The following MEOX2 variants were observed in gnomAD, a reference collection of about 807,000 sequenced individuals.
MEOX2 encodes mesenchyme homeobox 2.
A neutral mutation model predicts 27.0 loss-of-function variants in MEOX2; 11 were observed. The ratio of observed to expected loss-of-function variants is 0.41; its 90% CI spans 0.26 to 0.68. The LOEUF (loss-of-function observed/expected upper bound fraction) is 0.68, where lower values mean the gene tolerates loss of function less well. MEOX2 is among the 30% of genes least tolerant of loss of function. The pLI is 0.33. For synonymous variants in MEOX2, 189 were observed against 155.4 expected (o/e 1.22, Z -1.61); for missense variants, 436 against 385.4 (o/e 1.13, Z -1.10).
intron 1 of MEOX2, among the ~76,000 whole-genome samples, chr7:15,656,820 C>T (rs1343480008): frequency 6.6e-6 from 1 of 151,748 alleles, no homozygotes; most frequent in African/African-American, 2.4e-5. Flanking sequence ...AGATTACTTC[C>T]TTTATCATTT....
chr7:15,642,440 T>C (rs531465759), intron 1 of MEOX2, among the ~76,000 whole-genome samples: 48 of 152,332 alleles, frequency 3.2e-4, no homozygotes, highest in Non-Finnish European at 5.9e-4. Flanking sequence ...GAATTTCCTT[T>C]AGTGCATTTT....
intron 1 of MEOX2, among the ~76,000 whole-genome samples, chr7:15,635,965 C>A (rs1781473409): frequency 1.3e-5 from 2 of 152,056 alleles, no homozygotes; most frequent in East Asian, 3.9e-4. Context: ...CCAAACCTGG[C>A]ATACCCAATA....
chr7:15,643,040 A>G (rs1781587226), intron 1 of MEOX2, among the ~76,000 whole-genome samples: 1 of 152,184 alleles, frequency 6.6e-6, no homozygotes, highest in African/African-American at 2.4e-5. Context: ...CAGTTCTGTC[A>G]ACAATTATAT....
chr7:15,612,662 T>A (rs1403882544), intron 2 of MEOX2, 51 bp from the exon 3 acceptor site: 3 of 1,536,578 alleles, frequency 2.0e-6, no homozygotes, highest in Non-Finnish European at 2.7e-6. Flanking sequence ...ATAATTAAAG[T>A]GACATTTTTT....
At chr7:15,684,177 T>C (rs1388555892) in intron 1 of MEOX2, among the ~76,000 whole-genome samples, 1 of 152,168 alleles carries the variant, frequency 6.6e-6, no homozygotes. Flanking sequence ...ATCTATCATG[T>C]AGGTTTCTCA....
At chr7:15,683,054 T>C (rs543171701) in intron 1 of MEOX2, among the ~76,000 whole-genome samples, 1 of 152,172 alleles carries the variant, frequency 6.6e-6, no homozygotes, top group African/African-American at 2.4e-5. Flanking sequence ...TGTGTGTCCA[T>C]GTGCATTTGT....
intron 2 of MEOX2, among the ~76,000 whole-genome samples, chr7:15,620,481 G>A (rs1298268716): frequency 1.3e-5 from 2 of 152,116 alleles, no homozygotes; most frequent in Non-Finnish European, 2.9e-5. Flanking sequence ...GCTGAGGCAG[G>A]AGAATGGCCT....
chr7:15,635,013 G>A (rs1444543338), intron 1 of MEOX2, among the ~76,000 whole-genome samples: 3 of 151,894 alleles, frequency 2.0e-5, no homozygotes, highest in African/African-American at 7.2e-5. Context: ...AAGCACATAA[G>A]CACTAATAAT....
chr7:15,656,694 T>G (rs1321280091), intron 1 of MEOX2, among the ~76,000 whole-genome samples: 1 of 151,976 alleles, frequency 6.6e-6, no homozygotes, highest in Non-Finnish European at 1.5e-5. Context: ...TCAGACAACA[T>G]TATAACTTTT....
At chr7:15,678,433 T>C (rs543969340) in intron 1 of MEOX2, among the ~76,000 whole-genome samples, 17 of 152,350 alleles carry the variant, frequency 1.1e-4, no homozygotes, top group Admixed American at 3.9e-4. Context: ...ATATTTATTT[T>C]TCTGAATAGT....
At chr7:15,660,597 G>C (rs1056107931) in intron 1 of MEOX2, among the ~76,000 whole-genome samples, 12 of 152,068 alleles carry the variant, frequency 7.9e-5, no homozygotes, top group African/African-American at 2.9e-4. Context: ...TTTGTCTCTA[G>C]AGATTACCAA....
intron 1 of MEOX2, among the ~76,000 whole-genome samples, chr7:15,659,347 G>C (rs1374547385): frequency 6.6e-6 from 1 of 151,990 alleles, no homozygotes; most frequent in East Asian, 1.9e-4. Context: ...AGGAATTAGT[G>C]GTAGTAAAAA....
chr7:15,663,157 T>C (rs1299582609), intron 1 of MEOX2, among the ~76,000 whole-genome samples: 1 of 152,172 alleles, frequency 6.6e-6, no homozygotes, highest in Non-Finnish European at 1.5e-5. Context: ...ATGACACTCT[T>C]TCACAGCCAC....
chr7:15,674,020 A>C (rs1179196737), intron 1 of MEOX2, among the ~76,000 whole-genome samples: 2 of 152,142 alleles, frequency 1.3e-5, no homozygotes, highest in Non-Finnish European at 2.9e-5. Flanking sequence ...TGATAGACAG[A>C]TAGATATAAT....
At chr7:15,661,111 T>C (rs1024434456) in intron 1 of MEOX2, among the ~76,000 whole-genome samples, 7 of 143,776 alleles carry the variant, frequency 4.9e-5, no homozygotes, top group African/African-American at 1.6e-4. Flanking sequence ...AGGTGAATAA[T>C]AGCATTTCTA....
chr7:15,678,400 C>T (rs1302994105), intron 1 of MEOX2, among the ~76,000 whole-genome samples: 1 of 152,182 alleles, frequency 6.6e-6, no homozygotes, highest in East Asian at 1.9e-4. Flanking sequence ...CCAAGCTAGT[C>T]CCCATTACGT....
chr7:15,684,686 A>G (rs1782349305), intron 1 of MEOX2, among the ~76,000 whole-genome samples: 1 of 152,206 alleles, frequency 6.6e-6, no homozygotes, highest in Non-Finnish European at 1.5e-5. Context: ...TCAAACCAAC[A>G]TATGGGATTA....
chr7:15,648,419 A>G (rs554722478), intron 1 of MEOX2, among the ~76,000 whole-genome samples: 2 of 152,260 alleles, frequency 1.3e-5, no homozygotes, highest in Non-Finnish European at 2.9e-5. Flanking sequence ...CGTAAATTAC[A>G]TCCCAGAGTA....
intron 1 of MEOX2, among the ~76,000 whole-genome samples, chr7:15,665,012 G>C (rs1253020187): frequency 6.6e-6 from 1 of 150,898 alleles, no homozygotes; most frequent in East Asian, 2.0e-4. Context: ...ACACCAGTCA[G>C]TGATGACAGA....
Sources: allele counts gnomAD v4.1 joint callset (sites outside exome capture counted in the v4.1 genomes callset), GRCh38; gene constraint gnomAD v4.1.1; transcripts MANE v1.5; gene names NCBI Gene and HGNC (gene_info 2026-07-23, HGNC 2026-07-21).